The following OR3A2 variants were observed in gnomAD, a reference collection of about 807,000 sequenced individuals.
OR3A2 encodes the protein olfactory receptor 3A2.
For synonymous variants in OR3A2, 126 were observed against 159.3 expected (o/e 0.79, Z 1.57); for missense variants, 318 against 392.8 (o/e 0.81, Z 1.61).
At chr17:3,292,245 A>G in intron 3 of OR3A2, 1 of 1,614,064 alleles carries the variant, frequency 6.2e-7, no homozygotes, top group South Asian at 1.1e-5. Context: ...GAAGCAGTCC[A>G]CTCCAACGAA....
chr17:3,310,541 C>A, intron 3 of OR3A2: 1 of 536,006 alleles, frequency 1.9e-6, no homozygotes, highest in South Asian at 1.4e-5. Context: ...TGGGGTGTGT[C>A]AGTGTCACTG....
upstream of OR3A2, among the ~76,000 whole-genome samples, chr17:3,286,106 G>A (rs139586741): frequency 3.4e-4 from 52 of 151,742 alleles, no homozygotes; most frequent in Middle Eastern, 3.4e-3. Context: ...TGGTCTTCCC[G>A]TCCCTGCGTC....
intron 2 of OR3A2, among the ~76,000 whole-genome samples, chr17:3,364,380 T>C (rs2049545553): frequency 6.6e-6 from 1 of 152,200 alleles, no homozygotes; most frequent in East Asian, 1.9e-4. Flanking sequence ...TTTAGCTATT[T>C]TGAAACATAC....
chr17:3,315,358 T>C (rs1989038), intron 3 of OR3A2, among the ~76,000 whole-genome samples: 23,017 of 152,112 alleles, frequency 0.15, 2,314 homozygotes, highest in African/African-American at 0.28. Context: ...TGTTGCTTGT[T>C]GACTTTTTAA....
intron 3 of OR3A2, among the ~76,000 whole-genome samples, chr17:3,328,083 A>G (rs1178396112): frequency 2.1e-5 from 3 of 145,764 alleles, no homozygotes; most frequent in South Asian, 2.3e-4. Context: ...GTTTTTTCCA[A>G]TTCTGTGAAG....
chr17:3,346,238 T>C (rs369875282), intron 2 of OR3A2, among the ~76,000 whole-genome samples: 4 of 152,290 alleles, frequency 2.6e-5, no homozygotes, highest in African/African-American at 2.4e-5. Context: ...GTATATATAC[T>C]ATATTTTCTT....
chr17:3,321,839 A>G (rs78394881), intron 3 of OR3A2, among the ~76,000 whole-genome samples: 1 of 151,980 alleles, frequency 6.6e-6, no homozygotes, highest in Non-Finnish European at 1.5e-5. Context: ...GTCTAAAATT[A>G]TCTTTTGTGG....
intron 3 of OR3A2, among the ~76,000 whole-genome samples, chr17:3,298,585 C>T (rs2048939207): frequency 6.6e-6 from 1 of 152,232 alleles, no homozygotes; most frequent in South Asian, 2.1e-4. Flanking sequence ...CTTTCTCTCA[C>T]TTGATATGTT....
chr17:3,385,535 A>C (rs2049770471), intron 1 of OR3A2, among the ~76,000 whole-genome samples: 1 of 152,168 alleles, frequency 6.6e-6, no homozygotes, highest in Non-Finnish European at 1.5e-5. Flanking sequence ...GCACTGTGCG[A>C]AGTATTTTAA....
chr17:3,319,026 TA>T (rs745838261), intron 3 of OR3A2, among the ~76,000 whole-genome samples: 3 of 152,206 alleles, frequency 2.0e-5, no homozygotes, highest in Non-Finnish European at 4.4e-5. Context: ...AAGTATGTCT[TA>T]AACCTCCATT....
chr17:3,349,057 G>A (rs1234968999), intron 2 of OR3A2, among the ~76,000 whole-genome samples: 2 of 152,076 alleles, frequency 1.3e-5, no homozygotes, highest in Non-Finnish European at 2.9e-5. Flanking sequence ...GGAACAACCG[G>A]TACCAGCTGC....
intron 3 of OR3A2, among the ~76,000 whole-genome samples, chr17:3,293,699 A>C (rs1475765544): frequency 2.0e-5 from 3 of 152,212 alleles, no homozygotes. Flanking sequence ...AAGACATGGA[A>C]TCAACCCAAA....
intron 3 of OR3A2, among the ~76,000 whole-genome samples, chr17:3,301,139 C>G (rs2150626319): frequency 1.3e-5 from 2 of 152,234 alleles, no homozygotes; most frequent in Middle Eastern, 6.8e-3. Flanking sequence ...GTGAATGGTG[C>G]CACAATAAAC....
At position 3,311,810 on chromosome 17, in the gene OR3A2, A is replaced by C; in HGVS notation, c.-85+24223T>G. On this transcript the variant is annotated intron_variant, in intron 3 of 4. Transcript: ENST00000573491. This position sits in a 1 kb window ranked among gnomAD's most constrained non-coding sequence, Gnocchi z 4.6. Reference sequence around the variant, plus strand: ...TCAGTCTCAGCCTCAGACAAAGATAAGGGGATTGGGATCCTCAACACTATC... The same window carrying C: ...TCAGTCTCAGCCTCAGACAAAGATACGGGGATTGGGATCCTCAACACTATC... The C allele has an allele frequency of 5.0e-6, 1 of 198,950 alleles. No homozygotes were observed. Among genetic ancestry groups the C allele is most frequent in the Non-Finnish European group, 1.1e-5 (1 of 94,652 alleles). The allele number at this position is 198,950 out of a possible 1,614,324, so 12.3% of individuals were successfully genotyped here.
chr17:3,337,744 T>C (rs560253215), intron 2 of OR3A2, among the ~76,000 whole-genome samples: 58 of 152,346 alleles, frequency 3.8e-4, no homozygotes, highest in African/African-American at 1.3e-3. Context: ...TACGTGTGCA[T>C]GTGTCTTTAT....
chr17:3,300,535 G>C (rs905604604), intron 3 of OR3A2, among the ~76,000 whole-genome samples: 2 of 151,776 alleles, frequency 1.3e-5, no homozygotes, highest in Admixed American at 6.6e-5. Context: ...CTCCAACCTG[G>C]GCAACAGAGT....
At chr17:3,361,951 C>A (rs2049520974) in intron 2 of OR3A2, among the ~76,000 whole-genome samples, 1 of 151,566 alleles carries the variant, frequency 6.6e-6, no homozygotes, top group African/African-American at 2.4e-5. Context: ...AGGGTGGATT[C>A]CCTCTTTTTC....
In OR3A2 at chr17:3,310,534, G is replaced by A. The variant is rs763392014; in HGVS notation, c.-85+25499C>T. On this transcript the variant is annotated intron_variant, in intron 3 of 4. Coordinates refer to the OR3A2 transcript ENST00000573491. ...GGGAACTTGTCCCTGCCAGATGTGG[G>A]GTGTGTCAGTGTCACTGTCCCTGCC... 6 of 535,948 alleles carry A rather than the reference G, an allele frequency of 1.1e-5. No homozygotes were observed. The Admixed American group carries it at 1.2e-4, about 10-fold the overall frequency. 33.2% of individuals were successfully genotyped at this position (535,948 alleles called of 1,614,324 possible).
At chr17:3,299,222 G>A (rs1222600829) in intron 3 of OR3A2, among the ~76,000 whole-genome samples, 1 of 152,162 alleles carries the variant, frequency 6.6e-6, no homozygotes, top group Non-Finnish European at 1.5e-5. Flanking sequence ...GATTCCTCTC[G>A]GAACAAGAGT....
Sources: allele counts gnomAD v4.1 joint callset (sites outside exome capture counted in the v4.1 genomes callset), GRCh38; gene constraint gnomAD v4.1.1; non-coding constraint Gnocchi (gnomAD v3.1); transcripts MANE v1.5; gene names NCBI Gene and HGNC (gene_info 2026-07-23, HGNC 2026-07-21).